Variants in MS4A18 observed in about 807,000 individuals in gnomAD.
The protein encoded by MS4A18 is membrane-spanning 4-domains subfamily A member 18.
In MS4A18, 27 loss-of-function variants were observed where a neutral mutation model predicts 13.1. That is an observed-to-expected ratio of 2.06 (90% CI 1.52 to 2.84). The LOEUF is 2.84. Among genes scored for constraint, MS4A18 ranks in the 30% most tolerant of loss-of-function variants. MS4A18 has a pLI of 0.00. For missense variants in MS4A18, 307 were observed against 196.4 expected, an observed-to-expected ratio of 1.56 and a Z score of -3.37; for synonymous variants, 126 against 76.5, an observed-to-expected ratio of 1.65 and a Z score of -3.38.
At chr11:60,744,271 T>A, downstream of MS4A18, 1 of 396,132 alleles carries the variant, frequency 2.5e-6, no homozygotes. Context: ...CCGTGGTTCC[T>A]GATGTATGCT....
chr11:60,730,123 G>A (rs1252035269), intron 1 of MS4A18, among the ~76,000 whole-genome samples: 1 of 152,198 alleles, frequency 6.6e-6, no homozygotes, highest in Non-Finnish European at 1.5e-5. Flanking sequence ...CAGGTCTCAG[G>A]CCAGCTAGAT....
chr11:60,730,835 C>T (rs1171789039), intron 1 of MS4A18, among the ~76,000 whole-genome samples: 1 of 152,194 alleles, frequency 6.6e-6, no homozygotes, highest in Non-Finnish European at 1.5e-5. Flanking sequence ...TGGCTCATGC[C>T]TGTAATCCCA....
chr11:60,741,597 A>C (rs1166264461), intron 5 of MS4A18, among the ~76,000 whole-genome samples: 2 of 152,192 alleles, frequency 1.3e-5, no homozygotes, highest in Non-Finnish European at 2.9e-5. Flanking sequence ...CACTGGTCAC[A>C]GTCAGTCACA....
chr11:60,727,393 T>C (rs1169764834), upstream of MS4A18, among the ~76,000 whole-genome samples: 2 of 152,216 alleles, frequency 1.3e-5, no homozygotes, highest in African/African-American at 2.4e-5. Flanking sequence ...GTACAACTAA[T>C]AAATGAAGGA....
exon 3 of MS4A18, chr11:60,736,984 G>A: frequency 1.5e-6 from 1 of 676,114 alleles, no homozygotes; most frequent in South Asian, 1.5e-5. Flanking sequence ...GTAGTATATT[G>A]TATCTGGATC....
chr11:60,732,061 A>T (rs1853262385), intron 1 of MS4A18, among the ~76,000 whole-genome samples: 1 of 152,138 alleles, frequency 6.6e-6, no homozygotes, highest in Non-Finnish European at 1.5e-5. Context: ...GACCAGGAAG[A>T]CAGAAAGCAG....
chr11:60,740,955 G>A (rs1853405623), intron 4 of MS4A18, 75 bp from the exon 6 acceptor site: 2 of 699,484 alleles, frequency 2.9e-6, no homozygotes, highest in Non-Finnish European at 5.2e-6. Context: ...GAGGTGTGTG[G>A]CACTCCAAAT....
At chr11:60,729,613 T>C (rs1194300268) in exon 1 of MS4A18, 4 of 702,572 alleles carry the variant, frequency 5.7e-6, no homozygotes, top group Non-Finnish European at 1.0e-5. Context: ...AGTGATCCAA[T>C]ACACACAGGG....
chr11:60,738,869 G>A (rs1001637764), intron 3 of MS4A18, 33 bp from the exon 5 acceptor site: 9 of 701,746 alleles, frequency 1.3e-5, no homozygotes, highest in Admixed American at 1.0e-4. Flanking sequence ...CTTCAGACTC[G>A]GCTCCCTCTC....
intron 2 of MS4A18, 145 bp downstream of exon 3, chr11:60,733,792 G>C (rs1590962947): frequency 1.5e-6 from 1 of 646,260 alleles, no homozygotes; most frequent in African/African-American, 1.8e-5. Flanking sequence ...TACAGCAAAG[G>C]GTTATATCAA....
chr11:60,733,028 C>T (rs1383531190), intron 1 of MS4A18, among the ~76,000 whole-genome samples: 2 of 152,224 alleles, frequency 1.3e-5, no homozygotes, highest in Non-Finnish European at 2.9e-5. Flanking sequence ...ACATGAATTT[C>T]GGCCGACAAC....
At chr11:60,728,953 G>T (rs370986408), upstream of MS4A18, among the ~76,000 whole-genome samples, 3 of 152,306 alleles carry the variant, frequency 2.0e-5, no homozygotes, top group Admixed American at 2.0e-4. Flanking sequence ...AGATCAATCA[G>T]CTTTGCCAGG....
upstream of MS4A18, among the ~76,000 whole-genome samples, chr11:60,726,207 C>T (rs1336433036): frequency 6.6e-6 from 1 of 152,036 alleles, no homozygotes; most frequent in African/African-American, 2.4e-5. Flanking sequence ...AGAGGCGGGT[C>T]GGATCAAAAT....
downstream of MS4A18, among the ~76,000 whole-genome samples, chr11:60,744,704 G>T (rs927187593): frequency 3.9e-5 from 6 of 152,218 alleles, no homozygotes; most frequent in South Asian, 8.3e-4. Flanking sequence ...TGGACAAAAG[G>T]CTTGAACAGA....
At chr11:60,741,416 C>T (rs376845616) in intron 5 of MS4A18, among the ~76,000 whole-genome samples, 1 of 152,150 alleles carries the variant, frequency 6.6e-6, no homozygotes, top group African/African-American at 2.4e-5. Flanking sequence ...GATGGTTGGT[C>T]TCCAGGGACC....
intron 2 of MS4A18, 150 bp from the exon 4 acceptor site, chr11:60,736,828 A>C: frequency 1.6e-6 from 1 of 613,358 alleles, no homozygotes; most frequent in Non-Finnish European, 2.9e-6. Flanking sequence ...GATAGTAAAA[A>C]TGTTGGGAGG....
chr11:60,739,907 A>G (rs1168126364), intron 4 of MS4A18, among the ~76,000 whole-genome samples: 1 of 152,212 alleles, frequency 6.6e-6, no homozygotes, highest in Non-Finnish European at 1.5e-5. Context: ...CAAGTGGGCA[A>G]GGGAAGGCTG....
At chr11:60,728,680 C>T (rs997584698), upstream of MS4A18, among the ~76,000 whole-genome samples, 12 of 151,806 alleles carry the variant, frequency 7.9e-5, no homozygotes, top group East Asian at 3.9e-4. Context: ...CCTTCCCTCT[C>T]GCTCTCTCTT....
intron 5 of MS4A18, 133 bp from the exon 7 acceptor site, chr11:60,743,517 C>T (rs1380234551): frequency 1.1e-5 from 7 of 621,566 alleles, no homozygotes; most frequent in Non-Finnish European, 2.0e-5. Flanking sequence ...CAAAGAAAGT[C>T]ACATGACCAA....
Sources: gnomAD v4.1 joint callset for allele counts (sites outside exome capture counted in the v4.1 genomes callset) on GRCh38, gnomAD v4.1.1 for gene constraint, MANE v1.5 for transcripts, NCBI Gene and HGNC (gene_info 2026-07-23, HGNC 2026-07-21) for gene names.